The following RNGTT variants were observed in gnomAD, a reference collection of about 807,000 sequenced individuals.
RNGTT encodes mRNA-capping enzyme.
RNGTT carries 33 observed loss-of-function variants against 79.3 expected under a neutral mutation model. The observed-to-expected ratio is 0.42, with a 90% CI of 0.32 to 0.56. The LOEUF (loss-of-function observed/expected upper bound fraction) is 0.56, where lower values mean the gene tolerates loss of function less well. Ranked by LOEUF, RNGTT falls within the 20% of genes least tolerant of loss-of-function variation. The pLI is 0.17. For missense variants in RNGTT, 497 were observed against 739.1 expected (o/e 0.67, Z 3.80); for synonymous variants, 222 against 235.9 (o/e 0.94, Z 0.54).
At chr6:88,631,383 G>C (rs191672213) in intron 14 of RNGTT, among the ~76,000 whole-genome samples, 3 of 152,212 alleles carry the variant, frequency 2.0e-5, no homozygotes, top group Non-Finnish European at 4.4e-5. Context: ...CAAAGGGGTT[G>C]AGACTGCAGA....
intron 8 of RNGTT, among the ~76,000 whole-genome samples, chr6:88,872,862 CCAAAGA>C (rs1411090170): frequency 1.3e-5 from 2 of 152,082 alleles, no homozygotes; most frequent in East Asian, 3.9e-4. Context: ...TTACAAAACC[CCAAAGA>C]AGATCCAGAC....
At chr6:88,699,463 T>C (rs770983513) in intron 13 of RNGTT, among the ~76,000 whole-genome samples, 11 of 152,256 alleles carry the variant, frequency 7.2e-5, no homozygotes, top group South Asian at 4.2e-4. Flanking sequence ...ATTAAGAAGA[T>C]TGCTTGAGGC....
chr6:88,815,922 C>T (rs1045484732), intron 11 of RNGTT, among the ~76,000 whole-genome samples: 11 of 152,178 alleles, frequency 7.2e-5, no homozygotes, highest in Non-Finnish European at 5.9e-5. Context: ...CAGAAATAAA[C>T]TTTACTTTCC....
chr6:88,753,666 ATAG>A (rs1475906999), intron 13 of RNGTT, among the ~76,000 whole-genome samples: 1 of 151,992 alleles, frequency 6.6e-6, no homozygotes, highest in Non-Finnish European at 1.5e-5. Context: ...AACCGTTTAA[ATAG>A]TAATGATTTA....
At chr6:88,656,032 C>T (rs1773964188) in intron 14 of RNGTT, among the ~76,000 whole-genome samples, 1 of 151,982 alleles carries the variant, frequency 6.6e-6, no homozygotes, top group African/African-American at 2.4e-5. Context: ...TAGAACATAT[C>T]TACAAAAATA....
At chr6:88,908,191 G>T (rs1783717946) in intron 4 of RNGTT, among the ~76,000 whole-genome samples, 1 of 152,044 alleles carries the variant, frequency 6.6e-6, no homozygotes, top group African/African-American at 2.4e-5. Flanking sequence ...GCTTAGAGTA[G>T]AAAAAGTTTC....
chr6:88,703,486 T>C (rs1776013616), intron 13 of RNGTT, among the ~76,000 whole-genome samples: 1 of 152,012 alleles, frequency 6.6e-6, no homozygotes, highest in Non-Finnish European at 1.5e-5. Flanking sequence ...AGCTAAACAC[T>C]GGGTACTCAT....
intron 14 of RNGTT, among the ~76,000 whole-genome samples, chr6:88,634,435 A>G (rs1773018241): frequency 6.6e-6 from 1 of 152,148 alleles, no homozygotes; most frequent in South Asian, 2.1e-4. Context: ...AAGGATCAGC[A>G]AATTGTCTCA....
At chr6:88,663,512 T>C (rs971695056) in intron 14 of RNGTT, among the ~76,000 whole-genome samples, 5 of 152,162 alleles carry the variant, frequency 3.3e-5, no homozygotes, top group East Asian at 1.9e-4. Flanking sequence ...AAGGGACAGA[T>C]AGCCAAGGAA....
At chr6:88,686,121 T>C (rs761412679) in intron 13 of RNGTT, among the ~76,000 whole-genome samples, 2 of 147,844 alleles carry the variant, frequency 1.4e-5, no homozygotes, top group Non-Finnish European at 3.0e-5. Flanking sequence ...AAAATAGCAG[T>C]TGTATTACCA....
intron 13 of RNGTT, among the ~76,000 whole-genome samples, chr6:88,731,573 A>C (rs1777117721): frequency 6.6e-6 from 1 of 152,232 alleles, no homozygotes; most frequent in African/African-American, 2.4e-5. Flanking sequence ...GAATGAATGA[A>C]AAGAAAATAT....
At chr6:88,819,890 T>C (rs1347932890) in intron 11 of RNGTT, among the ~76,000 whole-genome samples, 6 of 152,088 alleles carry the variant, frequency 3.9e-5, no homozygotes, top group Non-Finnish European at 8.8e-5. Flanking sequence ...GGATCTTTAT[T>C]TCACCTTTCA....
At chr6:88,823,433 T>A (rs1235713127) in intron 11 of RNGTT, among the ~76,000 whole-genome samples, 2 of 59,270 alleles carry the variant, frequency 3.4e-5, no homozygotes, top group South Asian at 8.6e-4. Flanking sequence ...CAAAATGCCA[T>A]CCAAGGAAAA....
chr6:88,665,333 C>T lies in RNGTT; in HGVS notation c.1506+13020G>A, dbSNP rs561428092. 1.6e-4 allele frequency among the ~76,000 whole-genome samples: 25 copies of T among 152,242 alleles called. No individual in the cohort carries two copies. The South Asian group carries it at 4.4e-3, about 27-fold the overall frequency. The stretch of plus-strand genomic sequence containing the variant: ...CAGTCAGGCAAAACCAGTATCCAGT[C>T]CCCAGAGAAGCCCTGGAAGGTATCC... On this transcript the variant is annotated intron_variant, in intron 14 of 15. Transcript: ENST00000369485.
intron 14 of RNGTT, among the ~76,000 whole-genome samples, chr6:88,658,690 A>G (rs1254311995): frequency 6.6e-6 from 1 of 152,214 alleles, no homozygotes; most frequent in African/African-American, 2.4e-5. Flanking sequence ...CCTCAATTCA[A>G]GTGGGCACAA....
At chr6:88,720,588 G>A (rs1223917884) in intron 13 of RNGTT, among the ~76,000 whole-genome samples, 1 of 152,032 alleles carries the variant, frequency 6.6e-6, no homozygotes, top group Non-Finnish European at 1.5e-5. Context: ...CATTAAATTT[G>A]ATCCCTAAAG....
chr6:88,656,097 T>G (rs1458778829), intron 14 of RNGTT, among the ~76,000 whole-genome samples: 1 of 152,138 alleles, frequency 6.6e-6, no homozygotes, highest in Non-Finnish European at 1.5e-5. Context: ...AAAAGATATA[T>G]AGAAATACCC....
intron 13 of RNGTT, among the ~76,000 whole-genome samples, chr6:88,731,428 A>G (rs554490773): frequency 6.6e-6 from 1 of 152,364 alleles, no homozygotes; most frequent in Admixed American, 6.5e-5. Context: ...CACCTGAACC[A>G]GACTCAGATA....
At chr6:88,730,888 C>T (rs1777090502) in intron 13 of RNGTT, among the ~76,000 whole-genome samples, 1 of 152,188 alleles carries the variant, frequency 6.6e-6, no homozygotes, top group Admixed American at 6.5e-5. Flanking sequence ...TAACCACCTC[C>T]AGCCCTGTCT....
Sources: allele counts gnomAD v4.1 joint callset (sites outside exome capture counted in the v4.1 genomes callset), GRCh38; gene constraint gnomAD v4.1.1; transcripts MANE v1.5; gene names NCBI Gene and HGNC (gene_info 2026-07-23, HGNC 2026-07-21).